The following FOXN2 variants were observed in gnomAD, a reference collection of about 807,000 sequenced individuals.
The protein encoded by FOXN2 is forkhead box N2, also known as forkhead box protein N2.
Under a neutral mutation model 41.2 loss-of-function variants are expected in FOXN2, and 19 were observed. The observed-to-expected ratio is 0.46, with a 90% CI of 0.32 to 0.68. FOXN2 has a LOEUF of 0.68. Ranked by LOEUF, FOXN2 falls within the 30% of genes least tolerant of loss-of-function variation. The pLI is 0.03. For missense variants in FOXN2, 587 were observed against 509.4 expected, an observed-to-expected ratio of 1.15 and a Z score of -1.47; for synonymous variants, 195 against 176.8, an observed-to-expected ratio of 1.10 and a Z score of -0.82.
chr2:48,368,422 C>G (rs1413550473), intron 5 of FOXN2, among the ~76,000 whole-genome samples: 1 of 152,066 alleles, frequency 6.6e-6, no homozygotes, highest in African/African-American at 2.4e-5. Context: ...TGCTCGTAAT[C>G]CCAGCACTTT....
chr2:48,316,094 G>C (rs1668899242), intron 1 of FOXN2, among the ~76,000 whole-genome samples: 1 of 152,064 alleles, frequency 6.6e-6, no homozygotes, highest in African/African-American at 2.4e-5. Flanking sequence ...GTAGCCAGGG[G>C]CTTTGTAACT....
chr2:48,371,346 G>A (rs1049906594), intron 5 of FOXN2, among the ~76,000 whole-genome samples: 3 of 151,940 alleles, frequency 2.0e-5, no homozygotes, highest in Non-Finnish European at 4.4e-5. Flanking sequence ...GCAGTGACCC[G>A]AGAACACTCC....
At chr2:48,373,809 T>C (rs535636812) in intron 6 of FOXN2, among the ~76,000 whole-genome samples, 1 of 152,168 alleles carries the variant, frequency 6.6e-6, no homozygotes, top group African/African-American at 2.4e-5. Flanking sequence ...ATCCTAGCAC[T>C]TTTGGGAGAA....
At chr2:48,358,128 A>C (rs1249611403) in intron 3 of FOXN2, among the ~76,000 whole-genome samples, 1 of 151,300 alleles carries the variant, frequency 6.6e-6, no homozygotes, top group East Asian at 1.9e-4. Context: ...TTTTTTTACC[A>C]CCTAACTTTT....
intron 1 of FOXN2, among the ~76,000 whole-genome samples, chr2:48,317,595 C>CCTTTTTTTTTTTTTTTTTTTTTTTTTTTT (rs1669006573): frequency 2.9e-5 from 1 of 34,712 alleles, no homozygotes; most frequent in African/African-American, 8.7e-5. Context: ...TATAGTATTG[C>CCTTTTTTTTTTTTTTTTTTTTTTTTTTTT]TTTTTTTTTT....
intron 5 of FOXN2, among the ~76,000 whole-genome samples, chr2:48,364,936 C>G (rs903256681): frequency 9.9e-5 from 15 of 152,140 alleles, no homozygotes; most frequent in Admixed American, 2.0e-4. Flanking sequence ...AGATATTTCT[C>G]CTGTAGGTTA....
chr2:48,323,635 G>A (rs757592187), intron 1 of FOXN2, among the ~76,000 whole-genome samples: 1 of 152,094 alleles, frequency 6.6e-6, no homozygotes, highest in Non-Finnish European at 1.5e-5. Flanking sequence ...TTAGTCGTTT[G>A]TCACATGTAT....
At chr2:48,359,009 A>G (rs754412557) in intron 3 of FOXN2, 38 bp from the exon 4 acceptor site, 6 of 1,485,076 alleles carry the variant, frequency 4.0e-6, no homozygotes, top group Middle Eastern at 1.8e-4. Flanking sequence ...CTGTTTATGT[A>G]TAAAAGTTCC....
intron 1 of FOXN2, among the ~76,000 whole-genome samples, chr2:48,326,267 G>C (rs951372943): frequency 2.6e-5 from 4 of 152,170 alleles, no homozygotes; most frequent in Non-Finnish European, 5.9e-5. Flanking sequence ...CTTTGAGAGA[G>C]GAGAAAGCAT....
rs568712629 is a variant in FOXN2, at chr2:48,375,005, A to C, written c.858A>C (p.Leu286Phe). The change falls in exon 7 of 7, where the codon TTA (leucine) becomes TTC (phenylalanine). Residue 286 changes from leucine to phenylalanine, a missense_variant. Coordinates refer to ENST00000340553, the MANE Select transcript of FOXN2 (RefSeq NM_002158.4). ...TTCATCATCCCAGTGCTGTACGATT[A>C]CAAGAGAGTGATTCTTTAGCCACCA... ...NAFHHPSAVR[L>F]QESDSLATSI... The C allele has an allele frequency of 6.2e-7, 1 of 1,614,060 alleles. No individual in the cohort carries two copies. Among genetic ancestry groups the C allele is most frequent in the Non-Finnish European group, 8.5e-7 (1 of 1,179,974 alleles).
intron 5 of FOXN2, among the ~76,000 whole-genome samples, chr2:48,363,616 C>G (rs1191681304): frequency 6.6e-6 from 1 of 152,216 alleles, no homozygotes; most frequent in South Asian, 2.1e-4. Context: ...TACAGGTGTA[C>G]CATTTTAAAT....
chr2:48,369,532 C>A (rs967543303), intron 5 of FOXN2, among the ~76,000 whole-genome samples: 5 of 151,814 alleles, frequency 3.3e-5, no homozygotes, highest in African/African-American at 1.2e-4. Flanking sequence ...GAGTGAAACT[C>A]CATCTCAAAA....
At chr2:48,356,810 T>G (rs1671823424) in intron 3 of FOXN2, among the ~76,000 whole-genome samples, 1 of 152,212 alleles carries the variant, frequency 6.6e-6, no homozygotes, top group South Asian at 2.1e-4. Context: ...AAAGTTCACC[T>G]TTTAGTATAT....
At chr2:48,356,405 C>T (rs1266698198) in intron 3 of FOXN2, among the ~76,000 whole-genome samples, 3 of 152,012 alleles carry the variant, frequency 2.0e-5, no homozygotes, top group Non-Finnish European at 4.4e-5. Context: ...CGCGCCACTG[C>T]ACTCCAGCCT....
intron 5 of FOXN2, among the ~76,000 whole-genome samples, chr2:48,365,023 GT>G (rs1417442689): frequency 6.6e-6 from 1 of 152,062 alleles, no homozygotes; most frequent in Non-Finnish European, 1.5e-5. Context: ...GAATTAGTGG[GT>G]TTTTTTCTTG....
Position 48,375,503 on chromosome 2 carries a change from A to G in FOXN2, c.*60A>G. On this transcript the variant is annotated 3_prime_UTR_variant, in exon 7 of 7. Coordinates refer to ENST00000340553, the MANE Select transcript of FOXN2 (RefSeq NM_002158.4). ...ATTCTTTACAAGGGATATCAAAGCCATAATGGACTTCATTAGTTTTAGGGT... is the reference window on the plus strand; with the variant it reads ...ATTCTTTACAAGGGATATCAAAGCCGTAATGGACTTCATTAGTTTTAGGGT... 2 of 1,422,114 alleles carry G rather than the reference A, an allele frequency of 1.4e-6. No individual in the cohort carries two copies. Among genetic ancestry groups the G allele is most frequent in the Non-Finnish European group, 1.9e-6 (2 of 1,060,724 alleles). The allele number at this position is 1,422,114 out of a possible 1,614,324, so 88.1% of individuals were successfully genotyped here. A position where few individuals can be genotyped will look rare whatever the true frequency, so the allele number is the denominator to read the frequency against.
chr2:48,315,013 G>T (rs1236185174), intron 1 of FOXN2, among the ~76,000 whole-genome samples, 199 bp downstream of exon 1: 1 of 152,108 alleles, frequency 6.6e-6, no homozygotes. Context: ...CGCGCGTATC[G>T]GGTGGTGTGT....
intron 5 of FOXN2, among the ~76,000 whole-genome samples, chr2:48,369,509 G>T (rs954950673): frequency 1.1e-4 from 17 of 152,308 alleles, no homozygotes; most frequent in African/African-American, 4.1e-4. Flanking sequence ...TTGCACTCCA[G>T]CCTGGACGAC....
At chr2:48,319,164 T>G (rs1191071867) in intron 1 of FOXN2, among the ~76,000 whole-genome samples, 1 of 151,988 alleles carries the variant, frequency 6.6e-6, no homozygotes, top group African/African-American at 2.4e-5. Flanking sequence ...TTTTTTTTTT[T>G]TCTGAGAAGT....
Sources: allele counts gnomAD v4.1 joint callset (sites outside exome capture counted in the v4.1 genomes callset), GRCh38; gene constraint gnomAD v4.1.1; transcripts MANE v1.5; gene names NCBI Gene and HGNC (gene_info 2026-07-23, HGNC 2026-07-21).